The following PRKN variants were observed in gnomAD, a reference collection of about 807,000 sequenced individuals.
PRKN encodes the protein E3 ubiquitin-protein ligase parkin.
Under a neutral mutation model 59.5 loss-of-function variants are expected in PRKN, and 56 were observed. That is an observed-to-expected ratio of 0.94 (90% CI 0.76 to 1.18). The LOEUF is 1.18. PRKN is among the 50% of genes most tolerant of loss of function. The probability of loss-of-function intolerance (pLI) is 0.00; values close to 1 mark genes in which losing one functional copy is unlikely to be tolerated. For missense variants in PRKN, 657 were observed against 596.4 expected (o/e 1.10, Z -1.06); for synonymous variants, 250 against 222.1 (o/e 1.13, Z -1.12).
rs540302980 is a variant in PRKN, at chr6:161,402,410, C to T, written c.1084-15533G>A. On this transcript the variant is annotated intron_variant, in intron 9 of 11. Coordinates refer to ENST00000366898, the MANE Select transcript of PRKN (RefSeq NM_004562.3). This position sits in a 1 kb window ranked among gnomAD's most constrained non-coding sequence, Gnocchi z 4.5. ...AAGAGCAAGTGACTGTGTCCCAGGG[C>T]GGCTGAGATAATGCGCGGATCTCAG... Among the ~76,000 whole-genome samples, 15 of 152,228 alleles carry T rather than the reference C, an allele frequency of 9.9e-5. No individual in the cohort carries two copies. Among genetic ancestry groups the T allele is most frequent in the African/African-American group, 2.6e-4 (11 of 41,518 alleles).
chr6:161,364,787 A>T (rs1311061159), intron 10 of PRKN, among the ~76,000 whole-genome samples: 5 of 152,098 alleles, frequency 3.3e-5, no homozygotes, highest in Non-Finnish European at 2.9e-5. Context: ...TCTACTAAAA[A>T]TACAAAAAGT....
chr6:161,687,370 CAG>C lies in PRKN; in HGVS notation c.871+98400_871+98401del, dbSNP rs1260171602. 1.6e-3 allele frequency among the ~76,000 whole-genome samples: 131 copies of C among 82,738 alleles called. 1 individual carries two copies. The highest frequency in any genetic ancestry group is 6.2e-3 in the African/African-American group (124 of 20,070). The allele number at this position is 82,738 out of a possible 152,430, so 54.3% of individuals were successfully genotyped here. ...CACCACTGCATTCCAGCCTGGGAGACAGAGAGAGACTCCATCTCAAAAAAAAA... is the reference window on the plus strand; with the variant it reads ...CACCACTGCATTCCAGCCTGGGAGACAGAGAGACTCCATCTCAAAAAAAAA... On this transcript the variant is annotated intron_variant, in intron 7 of 11. Coordinates refer to ENST00000366898, the MANE Select transcript of PRKN (RefSeq NM_004562.3).
In PRKN at chr6:162,472,468, T is replaced by TATATATATATATATA. The variant is rs1385821060; in HGVS notation, c.8-28996_8-28995insTATATATATATATAT. 9.1e-4 allele frequency among the ~76,000 whole-genome samples: 95 copies of TATATATATATATATA among 104,242 alleles called. 2 individuals are homozygous for TATATATATATATATA. The highest frequency in any genetic ancestry group is 2.2e-3 in the East Asian group (7 of 3,210). 68.4% of individuals were successfully genotyped at this position (104,242 alleles called of 152,430 possible). The stretch of plus-strand genomic sequence containing the variant: ...AGTCCAAACTCTAACTTTTATTTTA[T>TATATATATATATATA]TTTATTTTATTTTATTTTATTTTAT... On this transcript the variant is annotated intron_variant, in intron 1 of 11. Transcript: ENST00000366898.
intron 1 of PRKN, among the ~76,000 whole-genome samples, chr6:162,648,781 T>C (rs117602964): frequency 0.013 from 2,024 of 152,340 alleles, 22 homozygotes; most frequent in Middle Eastern, 0.027. Flanking sequence ...TACAGCCTTA[T>C]ATGTTATGTG....
intron 4 of PRKN, among the ~76,000 whole-genome samples, chr6:162,148,518 C>G (rs1226384796): frequency 1.3e-5 from 2 of 152,132 alleles, no homozygotes; most frequent in Non-Finnish European, 2.9e-5. Flanking sequence ...CTACCTCATT[C>G]AATCCTTAAA....
intron 3 of PRKN, among the ~76,000 whole-genome samples, chr6:162,226,339 C>T (rs1156652612): frequency 2.0e-5 from 3 of 152,126 alleles, no homozygotes; most frequent in African/African-American, 7.2e-5. Context: ...CTGCGCTGCA[C>T]CCCTTCCTGG....
At chr6:162,480,475 G>A (rs574599349) in intron 1 of PRKN, among the ~76,000 whole-genome samples, 9 of 151,532 alleles carry the variant, frequency 5.9e-5, no homozygotes, top group East Asian at 5.8e-4. Context: ...ATTTCTGAAG[G>A]AGAAAAACTT....
At position 161,544,678 on chromosome 6, in the gene PRKN, C is replaced by A. The variant is rs1420964242; in HGVS notation, c.1083+4176G>T. Among the ~76,000 whole-genome samples, 1 of 152,124 alleles carries A rather than the reference C, an allele frequency of 6.6e-6. No individual in the cohort carries two copies. Among genetic ancestry groups the A allele is most frequent in the African/African-American group, 2.4e-5 (1 of 41,444 alleles). ...TGGGAGGTAGTACTTTCAAATAATT[C>A]TTTATAATGGTAATAAATTTACTGG... On this transcript the variant is annotated intron_variant, in intron 9 of 11. Transcript: ENST00000366898. The surrounding 1 kb of genome is among the most constrained non-coding windows in gnomAD (Gnocchi z 5.5).
At chr6:161,758,432 A>G (rs1339609389) in intron 7 of PRKN, among the ~76,000 whole-genome samples, 1 of 152,154 alleles carries the variant, frequency 6.6e-6, no homozygotes, top group Non-Finnish European at 1.5e-5. Context: ...ACAATGATAA[A>G]TTTCAAAATA....
chr6:161,956,647 A>C (rs1048310264), intron 6 of PRKN, among the ~76,000 whole-genome samples: 6 of 152,178 alleles, frequency 3.9e-5, no homozygotes. Context: ...TTTATTCTTT[A>C]ATTTCCTGAA....
At chr6:161,595,841 G>A (rs946793089) in intron 7 of PRKN, among the ~76,000 whole-genome samples, 4 of 152,138 alleles carry the variant, frequency 2.6e-5, no homozygotes, top group East Asian at 1.9e-4. Flanking sequence ...TATAATTTAC[G>A]GCGGGAAAGT....
intron 7 of PRKN, among the ~76,000 whole-genome samples, chr6:161,692,735 T>C (rs573996594): frequency 6.6e-6 from 1 of 152,156 alleles, no homozygotes; most frequent in South Asian, 2.1e-4. Flanking sequence ...TGAAAGTGTG[T>C]CTGCTATAAA....
intron 6 of PRKN, among the ~76,000 whole-genome samples, chr6:161,913,279 A>G (rs1369901332): frequency 6.6e-6 from 1 of 152,210 alleles, no homozygotes; most frequent in Non-Finnish European, 1.5e-5. Context: ...GGAAAAGACT[A>G]AGCAATACAT....
chr6:162,689,382 T>C (rs1777686606), intron 1 of PRKN, among the ~76,000 whole-genome samples: 1 of 152,200 alleles, frequency 6.6e-6, no homozygotes, highest in Non-Finnish European at 1.5e-5. Flanking sequence ...AAAAAACTGC[T>C]AGGTATTCTT....
intron 2 of PRKN, among the ~76,000 whole-genome samples, chr6:162,401,981 G>C (rs1787817704): frequency 6.6e-6 from 1 of 152,112 alleles, no homozygotes; most frequent in Non-Finnish European, 1.5e-5. Flanking sequence ...CGGGTGAAGT[G>C]GCTCATCCCA....
intron 2 of PRKN, among the ~76,000 whole-genome samples, chr6:162,330,939 C>T (rs980502587): frequency 6.6e-6 from 1 of 152,148 alleles, no homozygotes; most frequent in African/African-American, 2.4e-5. Context: ...AATACAGACC[C>T]CAGGGGTCCT....
In PRKN at chr6:161,360,120, C is replaced by A. The variant is rs1338515311; in HGVS notation, c.1253G>T (p.Cys418Phe). 6.2e-7 allele frequency: 1 copy of A among 1,613,964 alleles called. No individual in the cohort carries two copies. Among genetic ancestry groups the A allele is most frequent in the Non-Finnish European group, 8.5e-7 (1 of 1,179,964 alleles). ...KETIKKTTKPCPRCHVPVEKN... is the reference protein window; with the variant it reads ...KETIKKTTKPFPRCHVPVEKN... ...TTCCACTGGTACATGGCAGCGGGGA[C>A]AGGGCTTGGTGGTTTTCTTGATGGT... is the stretch of plus-strand genomic sequence containing the variant. The change falls in exon 11 of 12, where the codon TGT (cysteine) becomes TTT (phenylalanine). Residue 418 changes from cysteine to phenylalanine, a missense_variant. Physicochemically the swap from Cys to Phe is radical, Grantham distance 205 (BLOSUM62 -2). Transcript: ENST00000366898. This position sits in a 1 kb window ranked among gnomAD's most constrained non-coding sequence, Gnocchi z 5.1.
chr6:161,424,313 G>T (rs1248673216), intron 9 of PRKN, among the ~76,000 whole-genome samples: 1 of 146,080 alleles, frequency 6.8e-6, no homozygotes, highest in African/African-American at 2.5e-5. Flanking sequence ...CTCTGGTCTG[G>T]GAGACAGAGG....
chr6:161,706,824 C>A (rs773964821), intron 7 of PRKN, among the ~76,000 whole-genome samples: 7 of 152,210 alleles, frequency 4.6e-5, no homozygotes, highest in Non-Finnish European at 8.8e-5. Context: ...TCCTAAAGTG[C>A]TGGGATTACA....
Sources: allele counts gnomAD v4.1 joint callset (sites outside exome capture counted in the v4.1 genomes callset), GRCh38; gene constraint gnomAD v4.1.1; non-coding constraint Gnocchi (gnomAD v3.1); transcripts MANE v1.5; gene names NCBI Gene and HGNC (gene_info 2026-07-23, HGNC 2026-07-21).